The following LRRC4C variants were observed in gnomAD, a reference collection of about 807,000 sequenced individuals.
The protein encoded by LRRC4C is leucine rich repeat containing 4C, also known as leucine-rich repeat-containing protein 4C.
A neutral mutation model predicts 33.6 loss-of-function variants in LRRC4C; 5 were observed. The observed-to-expected ratio is 0.15, with a 90% CI of 0.08 to 0.31. LRRC4C has a LOEUF of 0.31. Ranked by LOEUF, LRRC4C falls within the 10% of genes least tolerant of loss-of-function variation. LRRC4C has a pLI of 1.00. For missense variants in LRRC4C, 560 were observed against 796.7 expected (o/e 0.70, Z 3.58); for synonymous variants, 329 against 302.0 (o/e 1.09, Z -0.93).
At chr11:40,301,759 C>T (rs1265932485) in intron 4 of LRRC4C, among the ~76,000 whole-genome samples, 1 of 152,160 alleles carries the variant, frequency 6.6e-6, no homozygotes, top group Non-Finnish European at 1.5e-5. Flanking sequence ...ATTCATTTAG[C>T]ACATCTGTGG....
At chr11:40,878,373 C>G (rs1346684540) in intron 2 of LRRC4C, among the ~76,000 whole-genome samples, 1 of 152,186 alleles carries the variant, frequency 6.6e-6, no homozygotes, top group African/African-American at 2.4e-5. Flanking sequence ...TCAAACTTCT[C>G]TGCTAATGTT....
chr11:40,151,892 TA>T (rs1208428755), intron 5 of LRRC4C, among the ~76,000 whole-genome samples: 1 of 152,220 alleles, frequency 6.6e-6, no homozygotes, highest in African/African-American at 2.4e-5. Flanking sequence ...TAAAGTAAAC[TA>T]AATTTTTCAG....
chr11:40,979,836 A>C (rs145935847), intron 1 of LRRC4C, among the ~76,000 whole-genome samples: 60 of 152,326 alleles, frequency 3.9e-4, no homozygotes, highest in African/African-American at 1.3e-3. Context: ...ATCTCAGTAA[A>C]ACAGCAGGGT....
chr11:40,313,435 G>C (rs1945411566), intron 4 of LRRC4C, among the ~76,000 whole-genome samples: 1 of 151,830 alleles, frequency 6.6e-6, no homozygotes. Flanking sequence ...TGGAGGAAGG[G>C]CCATCTGTTC....
chr11:40,765,592 A>G (rs1949413604), intron 2 of LRRC4C, among the ~76,000 whole-genome samples: 2 of 152,172 alleles, frequency 1.3e-5, no homozygotes, highest in African/African-American at 2.4e-5. Flanking sequence ...CAGAGAAGGA[A>G]TTCATAACCA....
intron 3 of LRRC4C, among the ~76,000 whole-genome samples, chr11:40,587,744 T>C (rs1011253297): frequency 1.3e-5 from 2 of 152,054 alleles, no homozygotes; most frequent in African/African-American, 4.8e-5. Context: ...CATGTGGTTT[T>C]TGTCTTTGGC....
At chr11:40,954,818 T>C (rs1005245288) in intron 1 of LRRC4C, among the ~76,000 whole-genome samples, 2 of 151,810 alleles carry the variant, frequency 1.3e-5, no homozygotes, top group African/African-American at 4.8e-5. Flanking sequence ...TAAATATCAC[T>C]GGAGGTAATT....
intron 3 of LRRC4C, among the ~76,000 whole-genome samples, chr11:40,563,195 C>T (rs1032547197): frequency 6.6e-6 from 1 of 152,150 alleles, no homozygotes; most frequent in Non-Finnish European, 1.5e-5. Context: ...TTTGTACATA[C>T]ATAGCAAGGA....
At chr11:40,769,651 A>C (rs1949657134) in intron 2 of LRRC4C, among the ~76,000 whole-genome samples, 1 of 152,142 alleles carries the variant, frequency 6.6e-6, no homozygotes, top group South Asian at 2.1e-4. Context: ...AATTGAACAG[A>C]ATAAAGATCA....
intron 1 of LRRC4C, among the ~76,000 whole-genome samples, chr11:41,425,015 G>C (rs1389539885): frequency 6.6e-6 from 1 of 151,994 alleles, no homozygotes; most frequent in Non-Finnish European, 1.5e-5. Flanking sequence ...AAATGTACAA[G>C]ATTTTTTAAA....
In LRRC4C at chr11:40,786,636, T is replaced by C. The variant is rs7925260; in HGVS notation, c.-406-138358A>G. ...CCTGAATAAAAGACTTGGCCAAACA[T>C]AATATGAAAGTGGAGTAAAAATTTC... On this transcript the variant is annotated intron_variant, in intron 2 of 6. Coordinates refer to ENST00000528697, the MANE Select transcript of LRRC4C (RefSeq NM_001258419.2). Among the ~76,000 whole-genome samples, 490 of 152,264 alleles carry C rather than the reference T, an allele frequency of 3.2e-3. 2 individuals are homozygous for C. The highest frequency in any genetic ancestry group is 0.011 in the African/African-American group (456 of 41,550).
chr11:41,233,099 T>C (rs1401490972), intron 1 of LRRC4C, among the ~76,000 whole-genome samples: 4 of 152,086 alleles, frequency 2.6e-5, no homozygotes, highest in Non-Finnish European at 4.4e-5. Flanking sequence ...ATTTACTTGA[T>C]AAATGTTTAG....
chr11:40,590,097 C>T (rs532439580), intron 3 of LRRC4C, among the ~76,000 whole-genome samples: 17,270 of 150,226 alleles, frequency 0.11, 1,103 homozygotes, highest in Middle Eastern at 0.15. Flanking sequence ...CCATTCTCCC[C>T]GTCACTTTCA....
At chr11:41,118,186 A>G (rs1251573406) in intron 1 of LRRC4C, among the ~76,000 whole-genome samples, 13 of 152,180 alleles carry the variant, frequency 8.5e-5, no homozygotes, top group Admixed American at 8.5e-4. Context: ...CTTGACCAAT[A>G]TATCCAGTAG....
chr11:40,929,585 C>T (rs1240794181), intron 2 of LRRC4C, among the ~76,000 whole-genome samples: 1 of 151,972 alleles, frequency 6.6e-6, no homozygotes, highest in Non-Finnish European at 1.5e-5. Flanking sequence ...ATAGCACCAC[C>T]TTCTAGTTAT....
chr11:40,151,473 C>G (rs1185893396), intron 5 of LRRC4C, among the ~76,000 whole-genome samples: 1 of 152,074 alleles, frequency 6.6e-6, no homozygotes. Context: ...TTTGTATCAT[C>G]AAAATAATAT....
chr11:41,207,026 T>C (rs1406305880), intron 1 of LRRC4C, among the ~76,000 whole-genome samples: 1 of 152,172 alleles, frequency 6.6e-6, no homozygotes, highest in Non-Finnish European at 1.5e-5. Context: ...GCAAAAAGTA[T>C]AATGTATAGC....
chr11:40,386,465 G>A (rs536846928), intron 3 of LRRC4C, among the ~76,000 whole-genome samples: 1 of 152,236 alleles, frequency 6.6e-6, no homozygotes, highest in East Asian at 1.9e-4. Context: ...CCTTATATGA[G>A]TATTGTAAAG....
chr11:40,473,266 C>T (rs1953034856), intron 3 of LRRC4C, among the ~76,000 whole-genome samples: 1 of 152,106 alleles, frequency 6.6e-6, no homozygotes, highest in Non-Finnish European at 1.5e-5. Flanking sequence ...GATCAAGGCA[C>T]CGTCATCCCT....
Sources: gnomAD v4.1 joint callset for allele counts (sites outside exome capture counted in the v4.1 genomes callset) on GRCh38, gnomAD v4.1.1 for gene constraint, MANE v1.5 for transcripts, NCBI Gene and HGNC (gene_info 2026-07-23, HGNC 2026-07-21) for gene names.